STK3: variants seen among roughly 807,000 people sequenced by gnomAD.
STK3 encodes the protein serine/threonine kinase 3, also known as serine/threonine-protein kinase 3.
In STK3, 41 loss-of-function variants were observed where a neutral mutation model predicts 58.0. That is an observed-to-expected ratio of 0.71 (90% CI 0.55 to 0.92). The LOEUF is 0.92. Among genes scored for constraint, STK3 ranks in the 40% least tolerant of loss-of-function variants. The pLI is 0.00. For synonymous variants in STK3, 170 were observed against 191.0 expected (o/e 0.89, Z 0.91); for missense variants, 479 against 602.7 (o/e 0.79, Z 2.15).
intron 10 of STK3, among the ~76,000 whole-genome samples, chr8:98,498,602 TC>T (rs1823334248): frequency 6.6e-6 from 1 of 152,226 alleles, no homozygotes; most frequent in South Asian, 2.1e-4. Context: ...CCTAAATTGC[TC>T]TTGTCAAGAT....
At chr8:98,501,888 G>T (rs1184687910) in intron 10 of STK3, among the ~76,000 whole-genome samples, 2 of 152,146 alleles carry the variant, frequency 1.3e-5, no homozygotes, top group African/African-American at 4.8e-5. Context: ...GCCTATGCAG[G>T]CTTTTTTTTG....
chr8:98,883,856 CT>C (rs1439830999), intron 1 of STK3: 5 of 618,780 alleles, frequency 8.1e-6, no homozygotes, highest in Non-Finnish European at 1.5e-5. Context: ...AAAAGATTCA[CT>C]CCTTAGTTCA....
intron 4 of STK3, among the ~76,000 whole-genome samples, chr8:98,718,022 A>T (rs1195944732): frequency 6.6e-6 from 1 of 152,228 alleles, no homozygotes; most frequent in Non-Finnish European, 1.5e-5. Context: ...CTAGATAGAC[A>T]GTAGAACAGT....
At position 98,808,236 on chromosome 8, in the gene STK3, G is replaced by A. The variant is rs569178586; in HGVS notation, c.26+17279C>T. Among the ~76,000 whole-genome samples, 10 of 152,328 alleles carry A rather than the reference G, an allele frequency of 6.6e-5. No individual in the cohort carries two copies. The South Asian group carries it at 1.9e-3, about 28-fold the overall frequency. ...AGAAAGCATCTGTGTTAAATTATAT[G>A]AAAACATGAGGGCAGGACAGGAAAG... is the stretch of plus-strand genomic sequence containing the variant. On this transcript the variant is annotated intron_variant, in intron 1 of 10. Transcript: ENST00000419617.
intron 1 of STK3, among the ~76,000 whole-genome samples, chr8:98,440,576 TG>T (rs1818655052): frequency 3.9e-5 from 6 of 152,066 alleles, no homozygotes; most frequent in African/African-American, 1.4e-4. Flanking sequence ...TGTGTGTGTG[TG>T]TGTGTGTGTA....
chr8:98,501,283 C>A (rs1823574584), intron 10 of STK3, among the ~76,000 whole-genome samples: 1 of 151,302 alleles, frequency 6.6e-6, no homozygotes. Context: ...TGTTTAAGTT[C>A]TTTGCAGATT....
chr8:98,819,755 A>G (rs1177336478), intron 1 of STK3, among the ~76,000 whole-genome samples: 1 of 152,086 alleles, frequency 6.6e-6, no homozygotes, highest in African/African-American at 2.4e-5. Flanking sequence ...TATTTAGTCA[A>G]TCTCTCTGAT....
At chr8:98,505,908 G>A (rs796611087) in intron 10 of STK3, among the ~76,000 whole-genome samples, 2 of 152,294 alleles carry the variant, frequency 1.3e-5, no homozygotes, top group African/African-American at 4.8e-5. Flanking sequence ...CACCATGCTG[G>A]GAGAACCACT....
rs114721397 is a variant in STK3 at position 98,625,504 on chromosome 8, T to C, written c.685-29335A>G. Among the ~76,000 whole-genome samples the C allele has an allele frequency of 5.1e-4, 77 of 152,262 alleles. 1 individual carries two copies. The highest frequency in any genetic ancestry group is 1.5e-3 in the African/African-American group (63 of 41,550). On this transcript the variant is annotated intron_variant, in intron 6 of 10. Coordinates refer to ENST00000419617, the MANE Select transcript of STK3 (RefSeq NM_006281.4). ...CTCCCAGAAAAAGCCCAAAGTGCCATGTTTCTCTTTGACCTTTCTTCCCTC... is the reference window on the plus strand; with the variant it reads ...CTCCCAGAAAAAGCCCAAAGTGCCACGTTTCTCTTTGACCTTTCTTCCCTC...
chr8:98,758,043 A>C (rs1339683166), intron 3 of STK3, among the ~76,000 whole-genome samples: 3 of 152,204 alleles, frequency 2.0e-5, no homozygotes, highest in Non-Finnish European at 2.9e-5. Context: ...AGAGAGTTTC[A>C]CTCAAAACAC....
chr8:98,828,788 T>TA (rs1835422104), upstream of STK3, among the ~76,000 whole-genome samples: 1 of 152,236 alleles, frequency 6.6e-6, no homozygotes, highest in Non-Finnish European at 1.5e-5. Flanking sequence ...TGTATATATG[T>TA]CCGTAGTACC....
intron 6 of STK3, among the ~76,000 whole-genome samples, chr8:98,668,863 T>C (rs1462100193): frequency 6.6e-6 from 1 of 152,182 alleles, no homozygotes; most frequent in Non-Finnish European, 1.5e-5. Context: ...TCAATTCTAC[T>C]TTAATTAAAA....
intron 3 of STK3, among the ~76,000 whole-genome samples, chr8:98,839,171 G>A (rs1010262008): frequency 1.4e-4 from 22 of 151,828 alleles, no homozygotes; most frequent in Admixed American, 5.9e-4. Context: ...CTCAGCCTCC[G>A]GAGTAGCTGG....
At chr8:98,456,022 C>A in intron 10 of STK3, 22 bp from the exon 11 acceptor site, 1 of 1,581,994 alleles carries the variant, frequency 6.3e-7, no homozygotes, top group Non-Finnish European at 8.6e-7. Flanking sequence ...AAGAAAGATA[C>A]CAATACAATG....
intron 1 of STK3, among the ~76,000 whole-genome samples, chr8:98,902,179 G>A (rs963464824): frequency 3.3e-5 from 5 of 151,952 alleles, no homozygotes; most frequent in African/African-American, 7.3e-5. Context: ...AGCTCCTTAC[G>A]GGATGGCTTT....
intron 1 of STK3, among the ~76,000 whole-genome samples, chr8:98,927,052 G>T (rs970460736): frequency 6.6e-6 from 1 of 152,194 alleles, no homozygotes. Flanking sequence ...TTCTAGGCAG[G>T]ATAACCAAGC....
intron 3 of STK3, among the ~76,000 whole-genome samples, chr8:98,404,291 C>A (rs557943268): frequency 6.6e-6 from 1 of 152,260 alleles, no homozygotes; most frequent in African/African-American, 2.4e-5. Flanking sequence ...AATCTCAGCA[C>A]TTTGGGAGAC....
At chr8:98,392,067 C>G (rs566021802), upstream of STK3, among the ~76,000 whole-genome samples, 1 of 152,212 alleles carries the variant, frequency 6.6e-6, no homozygotes, top group African/African-American at 2.4e-5. Flanking sequence ...TCCTCTTATC[C>G]CCCAAGAACT....
intron 3 of STK3, among the ~76,000 whole-genome samples, chr8:98,419,499 C>G (rs1818148299): frequency 1.3e-5 from 2 of 152,170 alleles, no homozygotes; most frequent in African/African-American, 2.4e-5. Flanking sequence ...AGACTTTATT[C>G]TGAGAAAAGG....
Sources: gnomAD v4.1 joint callset for allele counts (sites outside exome capture counted in the v4.1 genomes callset) on GRCh38, gnomAD v4.1.1 for gene constraint, MANE v1.5 for transcripts, NCBI Gene and HGNC (gene_info 2026-07-23, HGNC 2026-07-21) for gene names.